Variants in ROCK2 observed in about 807,000 individuals in gnomAD.
ROCK2 encodes Rho associated coiled-coil containing protein kinase 2, also known as rho-associated protein kinase 2.
In ROCK2, 61 loss-of-function variants were observed where a neutral mutation model predicts 195.1. The ratio of observed to expected loss-of-function variants is 0.31; its 90% CI spans 0.25 to 0.39. ROCK2 has a LOEUF of 0.39. ROCK2 is among the 10% of genes least tolerant of loss of function. The pLI is 1.00. For synonymous variants in ROCK2, 504 were observed against 545.5 expected, an observed-to-expected ratio of 0.92 and a Z score of 1.06; for missense variants, 1,109 against 1,637.4, an observed-to-expected ratio of 0.68 and a Z score of 5.57.
At chr2:11,254,762 A>T (rs1665961814) in intron 3 of ROCK2, among the ~76,000 whole-genome samples, 1 of 132,370 alleles carries the variant, frequency 7.6e-6, no homozygotes, top group Non-Finnish European at 1.6e-5. Context: ...AAAAAGGTAG[A>T]GAAACCTGGC....
Position 11,249,695 on chromosome 2 carries a change from A to G in ROCK2, c.428T>C (p.Ile143Thr). The G allele has an allele frequency of 1.3e-6, 2 of 1,578,748 alleles. No homozygotes were observed. The highest frequency in any genetic ancestry group is 1.7e-6 in the Non-Finnish European group (2 of 1,164,920). The part of the protein sequence containing the change: ...DSAFFWEERD[I>T]MAFANSPWVV... ...CCAGGGGCTATTGGCAAAGGCCATA[A>G]TATCTCTTTCTTCCCAAAAAAAGGC... The change falls in exon 4 of 33, where the codon ATT becomes ACT. Residue 143 changes from isoleucine to threonine, a missense_variant. Ile to Thr is a moderately conservative substitution (Grantham distance 89). This residue lies in a region of ROCK2 where 253 missense variants were observed against 455.5 expected (regional missense o/e 0.56). Transcript: ENST00000315872.
upstream of ROCK2, among the ~76,000 whole-genome samples, chr2:11,344,994 C>A (rs1309008261): frequency 1.4e-4 from 21 of 151,006 alleles, no homozygotes; most frequent in Admixed American, 8.6e-4. The surrounding 1 kb of genome is among the most constrained non-coding windows in gnomAD (Gnocchi z 5.4). Flanking sequence ...AGACGCCGGG[C>A]CCAGCGCACC....
chr2:11,234,866 A>G (rs1472457058), intron 5 of ROCK2, among the ~76,000 whole-genome samples: 1 of 152,164 alleles, frequency 6.6e-6, no homozygotes, highest in Non-Finnish European at 1.5e-5. Flanking sequence ...GAACAAGTTA[A>G]GAGGTAGAGA....
rs1167646183 is a variant in ROCK2 at position 11,207,812 on chromosome 2, T to A, written c.2463A>T (p.Lys821Asn). ...CTTGCTTTAACTGCTTTTCTGACAT[T>A]TTTAGTGTGTTAACCTGTTGTGTTT... ...KMQTQQVNTL[K>N]MSEKQLKQEN... Residue 821 changes from lysine (K) to asparagine (N), a missense_variant, in exon 20 of 33, where the codon AAA (lysine) becomes AAT (asparagine). Around this residue, in one of 6 missense-constraint regions of ROCK2, gnomAD observed 542 missense variants for 672.0 expected, o/e 0.81. Transcript: ENST00000315872. The A allele has an allele frequency of 6.2e-7, 1 of 1,612,808 alleles. No individual in the cohort carries two copies. The highest frequency in any genetic ancestry group is 1.3e-5 in the African/African-American group (1 of 74,916).
intron 1 of ROCK2, among the ~76,000 whole-genome samples, chr2:11,301,756 C>A (rs1420375221): frequency 2.2e-5 from 3 of 134,924 alleles, no homozygotes; most frequent in South Asian, 2.6e-4. Flanking sequence ...CCAGCCTGGG[C>A]AACAAGAGTG....
intron 3 of ROCK2, among the ~76,000 whole-genome samples, chr2:11,278,506 T>C (rs915904012): frequency 3.3e-5 from 5 of 152,244 alleles, no homozygotes; most frequent in Non-Finnish European, 5.9e-5. Flanking sequence ...CTCTTATGAA[T>C]AATGCTGCAA....
At chr2:11,323,506 T>G (rs1295212942) in intron 1 of ROCK2, among the ~76,000 whole-genome samples, 26 of 152,196 alleles carry the variant, frequency 1.7e-4, no homozygotes, top group Admixed American at 1.7e-3. Context: ...TGTTCTGACT[T>G]TAATATAACT....
Position 11,214,464 on chromosome 2 carries a change from C to A in ROCK2, c.1937-1G>T. On this transcript the variant is annotated splice_acceptor_variant, in intron 16 of 32. Transcript: ENST00000315872. LOFTEE classifies it high-confidence loss of function. ...TCTTCTTCTAGGCCACATATTCTAC[C>A]TAAAAATTGCAACGTTTTTTTAAAA... is the stretch of plus-strand genomic sequence containing the variant. 6.5e-7 allele frequency: 1 copy of A among 1,548,438 alleles called. No homozygotes were observed. Among genetic ancestry groups the A allele is most frequent in the Admixed American group, 1.8e-5 (1 of 56,204 alleles).
chr2:11,212,906 T>C (rs1353732340), intron 17 of ROCK2, among the ~76,000 whole-genome samples: 2 of 152,202 alleles, frequency 1.3e-5, no homozygotes, highest in Non-Finnish European at 2.9e-5. Flanking sequence ...CTAATTTGGC[T>C]GTCCCATAGG....
intron 3 of ROCK2, among the ~76,000 whole-genome samples, chr2:11,276,420 C>A (rs1666829283): frequency 6.6e-6 from 1 of 152,122 alleles, no homozygotes; most frequent in Non-Finnish European, 1.5e-5. Flanking sequence ...AAAACAATTC[C>A]ATTTACAATA....
At chr2:11,218,584 G>T in intron 10 of ROCK2, 118 bp from the exon 11 acceptor site, 1 of 671,692 alleles carries the variant, frequency 1.5e-6, no homozygotes, top group Non-Finnish European at 2.4e-6. Context: ...GCTTTCATAA[G>T]TTTGAAGAAA....
intron 12 of ROCK2, 152 bp from the exon 13 acceptor site, chr2:11,216,358 G>T: frequency 1.6e-6 from 1 of 624,520 alleles, no homozygotes; most frequent in Non-Finnish European, 2.8e-6. Context: ...GAATGCAGTG[G>T]CGCAATCTTG....
intron 1 of ROCK2, among the ~76,000 whole-genome samples, chr2:11,335,836 C>T (rs1298713892): frequency 6.6e-6 from 1 of 152,080 alleles, no homozygotes; most frequent in Non-Finnish European, 1.5e-5. Flanking sequence ...AACAAAAAGT[C>T]AGGTATATGA....
At chr2:11,302,847 C>T (rs1441219232) in intron 1 of ROCK2, among the ~76,000 whole-genome samples, 1 of 152,174 alleles carries the variant, frequency 6.6e-6, no homozygotes, top group African/African-American at 2.4e-5. Context: ...TTTCCCTCCA[C>T]CTTTTAAAAT....
chr2:11,340,656 C>T (rs1416527562), intron 1 of ROCK2, among the ~76,000 whole-genome samples: 2 of 152,114 alleles, frequency 1.3e-5, no homozygotes, highest in Non-Finnish European at 2.9e-5. Context: ...GAAAAATACA[C>T]ATACAATTTT....
intron 23 of ROCK2, among the ~76,000 whole-genome samples, chr2:11,200,669 T>C (rs1412320868): frequency 6.6e-6 from 1 of 152,146 alleles, no homozygotes; most frequent in Non-Finnish European, 1.5e-5. Context: ...TGCACGGAAC[T>C]GTTTTCCTGG....
Position 11,227,323 on chromosome 2 carries a change from C to G in ROCK2, c.799G>C (p.Gly267Arg). 2 of 1,613,916 alleles carry G rather than the reference C, an allele frequency of 1.2e-6. No individual in the cohort carries two copies. The highest frequency in any genetic ancestry group is 1.7e-6 in the Non-Finnish European group (2 of 1,179,878). The change falls in exon 6 of 33, where the codon GGT becomes CGT. Residue 267 changes from glycine to arginine, a missense_variant. By Grantham distance (125) the Gly-to-Arg change is moderately radical (BLOSUM62 -2). Transcript: ENST00000315872. ...ISPEVLKSQG[G>R]DGFYGRECDW... The stretch of plus-strand genomic sequence containing the variant: ...CATTCTCGCCCATAGAAACCATCAC[C>G]CCCTTGTGATTTCAGAACCTCAGGT...
At chr2:11,277,654 G>A (rs999308278) in intron 3 of ROCK2, among the ~76,000 whole-genome samples, 9 of 152,130 alleles carry the variant, frequency 5.9e-5, no homozygotes, top group East Asian at 1.9e-4. Context: ...TATGAATGCC[G>A]TTAATTCATT....
intron 5 of ROCK2, among the ~76,000 whole-genome samples, chr2:11,231,555 G>T (rs1472427918): frequency 6.6e-6 from 1 of 152,092 alleles, no homozygotes; most frequent in African/African-American, 2.4e-5. Context: ...CTTAAAAGGA[G>T]GTAAAGGTTG....
Sources: allele counts gnomAD v4.1 joint callset (sites outside exome capture counted in the v4.1 genomes callset), GRCh38; gene constraint gnomAD v4.1.1; regional missense constraint gnomAD v4.1.1; non-coding constraint Gnocchi (gnomAD v3.1); transcripts MANE v1.5; gene names NCBI Gene and HGNC (gene_info 2026-07-23, HGNC 2026-07-21).